Variants in MALRD1 observed in about 807,000 individuals in gnomAD.
The protein encoded by MALRD1 is MAM and LDL receptor class A domain containing 1.
MALRD1 carries 247 observed loss-of-function variants against 242.1 expected under a neutral mutation model. The observed-to-expected ratio is 1.02, with a 90% CI of 0.92 to 1.13. The LOEUF (loss-of-function observed/expected upper bound fraction) is 1.13, where lower values mean the gene tolerates loss of function less well. Among genes scored for constraint, MALRD1 ranks in the 50% most tolerant of loss-of-function variants. The pLI is 0.00. For synonymous variants in MALRD1, 995 were observed against 866.6 expected (o/e 1.15, Z -2.60); for missense variants, 2,989 against 2,533.1 (o/e 1.18, Z -3.86).
chr10:19,259,352 A>G (rs1393295891), intron 19 of MALRD1, among the ~76,000 whole-genome samples: 2 of 152,104 alleles, frequency 1.3e-5, no homozygotes, highest in Non-Finnish European at 2.9e-5. Flanking sequence ...TCACACTGCT[A>G]ATAAAGACAT....
chr10:19,530,468 TA>T (rs1834359209), intron 31 of MALRD1, among the ~76,000 whole-genome samples: 2 of 132,424 alleles, frequency 1.5e-5, no homozygotes, highest in African/African-American at 5.5e-5. Flanking sequence ...TAATAATAAA[TA>T]ATTATATAAT....
intron 19 of MALRD1, among the ~76,000 whole-genome samples, chr10:19,266,831 C>T (rs1475456112): frequency 6.6e-6 from 1 of 151,868 alleles, no homozygotes; most frequent in Non-Finnish European, 1.5e-5. Flanking sequence ...TGTCTATTAC[C>T]TGAGGAGACC....
intron 28 of MALRD1, among the ~76,000 whole-genome samples, chr10:19,393,209 C>G (rs944291905): frequency 6.6e-6 from 1 of 152,074 alleles, no homozygotes; most frequent in South Asian, 2.1e-4. Flanking sequence ...AAATGGCATC[C>G]TTATTTTTGC....
At chr10:19,252,164 G>A (rs1450311002) in intron 18 of MALRD1, among the ~76,000 whole-genome samples, 1 of 152,054 alleles carries the variant, frequency 6.6e-6, no homozygotes, top group Non-Finnish European at 1.5e-5. Context: ...CAACCTTGGT[G>A]TGGGTGCATA....
At chr10:19,172,115 A>G (rs1309386278) in intron 13 of MALRD1, among the ~76,000 whole-genome samples, 1 of 144,702 alleles carries the variant, frequency 6.9e-6, no homozygotes, top group African/African-American at 2.5e-5. Flanking sequence ...TTGGTTATGT[A>G]TATACATATA....
intron 29 of MALRD1, among the ~76,000 whole-genome samples, chr10:19,484,440 C>G (rs1390492618): frequency 6.6e-6 from 1 of 152,004 alleles, no homozygotes; most frequent in Non-Finnish European, 1.5e-5. Context: ...AATAAATTTA[C>G]TATTAGACAA....
intron 18 of MALRD1, among the ~76,000 whole-genome samples, chr10:19,230,022 C>G (rs948098324): frequency 1.3e-5 from 2 of 152,080 alleles, no homozygotes; most frequent in African/African-American, 4.8e-5. Context: ...GTGAATAAGT[C>G]TCATGAGATC....
chr10:19,188,322 G>A (rs975603261), intron 14 of MALRD1, among the ~76,000 whole-genome samples: 18 of 152,180 alleles, frequency 1.2e-4, no homozygotes, highest in African/African-American at 3.9e-4. Context: ...CTTGTTCTAG[G>A]ATTTGGACTT....
intron 11 of MALRD1, among the ~76,000 whole-genome samples, chr10:19,154,080 T>C (rs1834039111): frequency 6.6e-6 from 1 of 152,312 alleles, no homozygotes; most frequent in Non-Finnish European, 1.5e-5. Context: ...TTTAATGAAC[T>C]TGCTCGCATG....
intron 32 of MALRD1, among the ~76,000 whole-genome samples, chr10:19,564,106 A>G (rs138189621): frequency 2.0e-5 from 3 of 152,288 alleles, no homozygotes; most frequent in South Asian, 2.1e-4. Context: ...TCTTTTCTTA[A>G]GTTTTACCCA....
chr10:19,263,261 C>T (rs142289908), intron 19 of MALRD1, among the ~76,000 whole-genome samples: 44 of 152,290 alleles, frequency 2.9e-4, no homozygotes, highest in East Asian at 1.9e-3. Context: ...TTCCTACCAA[C>T]GGGTATAAGT....
chr10:19,428,142 G>A (rs1004073026), intron 28 of MALRD1, among the ~76,000 whole-genome samples: 5 of 151,904 alleles, frequency 3.3e-5, no homozygotes, highest in East Asian at 2.0e-4. Flanking sequence ...TCCTTGGGGT[G>A]GGCAGGGAGG....
chr10:19,243,421 G>C (rs550386621), intron 18 of MALRD1, among the ~76,000 whole-genome samples: 1 of 152,130 alleles, frequency 6.6e-6, no homozygotes, highest in South Asian at 2.1e-4. Context: ...TTATCAGTTT[G>C]CTAATGCCTA....
In MALRD1 at chr10:19,452,534, G is replaced by GT. The variant is rs563717508; in HGVS notation, c.5029+2049dup. On this transcript the variant is annotated intron_variant, in intron 29 of 39. Transcript: ENST00000454679. ...ACATTTTCAGAAAAAGTAGCCATTG[G>GT]TTTTTAACAGCCCAGCCATCTACAA... Among the ~76,000 whole-genome samples the GT allele has an allele frequency of 6.6e-5, 10 of 152,236 alleles. No individual in the cohort carries two copies. In the East Asian group the frequency reaches 1.5e-3, roughly 24 times the overall value.
intron 5 of MALRD1, among the ~76,000 whole-genome samples, chr10:19,117,563 T>C (rs1836916275): frequency 6.6e-6 from 1 of 152,212 alleles, no homozygotes; most frequent in African/African-American, 2.4e-5. Context: ...GTAGCTATTA[T>C]ATGAATCTAC....
Position 19,203,873 on chromosome 10 carries a change from A to T in MALRD1, c.2097A>T (p.Ala699=). 6.4e-7 allele frequency: 1 copy of T among 1,550,488 alleles called. No homozygotes were observed. The highest frequency in any genetic ancestry group is 8.7e-7 in the Non-Finnish European group (1 of 1,146,914). ...QAPPRDHSLN[A]SQGHFMFILK... Reference sequence around the variant, plus strand: ...CACCTCGGGATCATAGTCTCAACGCATCTCAAGGTAAGAAGCAAACAGGGA... The same window carrying T: ...CACCTCGGGATCATAGTCTCAACGCTTCTCAAGGTAAGAAGCAAACAGGGA... The change falls in exon 15 of 40, where the codon GCA becomes GCT. Residue 699 remains alanine, a synonymous_variant. Transcript: ENST00000454679.
intron 23 of MALRD1, 144 bp downstream of exon 23, chr10:19,327,817 C>G: frequency 1.7e-6 from 1 of 598,516 alleles, no homozygotes; most frequent in Non-Finnish European, 2.9e-6. Flanking sequence ...GCTTAACACT[C>G]CATGGAGCAT....
chr10:19,124,327 A>G (rs575420360), intron 6 of MALRD1, among the ~76,000 whole-genome samples, 197 bp from the exon 7 acceptor site: 1 of 152,208 alleles, frequency 6.6e-6, no homozygotes, highest in Non-Finnish European at 1.5e-5. Context: ...GTACATGTGG[A>G]TCAACTGAGA....
At chr10:19,694,844 T>A (rs1028371744) in intron 38 of MALRD1, among the ~76,000 whole-genome samples, 13 of 152,136 alleles carry the variant, frequency 8.5e-5, no homozygotes, top group Non-Finnish European at 1.8e-4. Flanking sequence ...AATGATAGAC[T>A]GGATTAAGAA....
Sources: allele counts gnomAD v4.1 joint callset (sites outside exome capture counted in the v4.1 genomes callset), GRCh38; gene constraint gnomAD v4.1.1; transcripts MANE v1.5; gene names NCBI Gene and HGNC (gene_info 2026-07-23, HGNC 2026-07-21).